Variants in ALKBH8 observed in about 807,000 individuals in gnomAD.
ALKBH8 encodes alkB homolog 8, tRNA methyltransferase.
Under a neutral mutation model 59.8 loss-of-function variants are expected in ALKBH8, and 36 were observed. That is an observed-to-expected ratio of 0.60 (90% CI 0.46 to 0.79). The LOEUF (loss-of-function observed/expected upper bound fraction) is 0.79, where lower values mean the gene tolerates loss of function less well. ALKBH8 is among the 30% of genes least tolerant of loss of function. ALKBH8 has a pLI of 0.00. For missense variants in ALKBH8, 768 were observed against 801.0 expected, an observed-to-expected ratio of 0.96 and a Z score of 0.50; for synonymous variants, 276 against 273.6, an observed-to-expected ratio of 1.01 and a Z score of -0.09.
intron 11 of ALKBH8, among the ~76,000 whole-genome samples, chr11:107,505,882 C>G (rs112335560): frequency 4.3e-4 from 65 of 152,130 alleles, no homozygotes; most frequent in Non-Finnish European, 7.8e-4. Context: ...GCTCAGAGTA[C>G]AGGGAGGTCA....
chr11:107,532,918 ACTAG>A (rs1863657337), intron 7 of ALKBH8, among the ~76,000 whole-genome samples: 1 of 152,152 alleles, frequency 6.6e-6, no homozygotes, highest in African/African-American at 2.4e-5. Flanking sequence ...ATACACAAAA[ACTAG>A]CTATTGTTTT....
chr11:107,541,310 T>C (rs1481945811), intron 7 of ALKBH8, among the ~76,000 whole-genome samples: 1 of 152,172 alleles, frequency 6.6e-6, no homozygotes, highest in Non-Finnish European at 1.5e-5. Flanking sequence ...TCAACTTCAA[T>C]TTAAGACAGA....
intron 8 of ALKBH8, among the ~76,000 whole-genome samples, chr11:107,527,048 A>G (rs1304659162): frequency 3.3e-5 from 5 of 151,972 alleles, no homozygotes; most frequent in Non-Finnish European, 7.4e-5. Flanking sequence ...ACATTTCCTT[A>G]TAAATTTTAG....
chr11:107,505,993 A>C (rs1052359313), intron 11 of ALKBH8, among the ~76,000 whole-genome samples: 1 of 152,240 alleles, frequency 6.6e-6, no homozygotes, highest in African/African-American at 2.4e-5. Flanking sequence ...CCAGTTTCTA[A>C]GCAGCATGTA....
At chr11:107,513,217 G>A (rs761805642) in intron 10 of ALKBH8, among the ~76,000 whole-genome samples, 6 of 151,794 alleles carry the variant, frequency 4.0e-5, no homozygotes, top group Non-Finnish European at 7.4e-5. Context: ...AAAAACAATC[G>A]GTCCCATTAA....
intron 8 of ALKBH8, among the ~76,000 whole-genome samples, chr11:107,528,763 A>T (rs1420886836): frequency 1.3e-5 from 2 of 152,204 alleles, no homozygotes; most frequent in East Asian, 3.8e-4. Flanking sequence ...ACTGCTAAAC[A>T]TCTTTTTCCC....
At chr11:107,541,793 CTCAAATAT>C (rs1864045542) in intron 7 of ALKBH8, among the ~76,000 whole-genome samples, 1 of 152,042 alleles carries the variant, frequency 6.6e-6, no homozygotes, top group African/African-American at 2.4e-5. Flanking sequence ...TCACAGGGAC[CTCAAATAT>C]TCAAATATCA....
chr11:107,525,342 G>C, intron 9 of ALKBH8, 99 bp downstream of exon 9: 3 of 1,106,846 alleles, frequency 2.7e-6, no homozygotes, highest in Non-Finnish European at 3.6e-6. Context: ...TGCCATTAGA[G>C]AGATTCAGAA....
intron 11 of ALKBH8, among the ~76,000 whole-genome samples, chr11:107,507,703 G>A (rs529534618): frequency 1.8e-4 from 28 of 152,210 alleles, no homozygotes; most frequent in East Asian, 1.5e-3. Flanking sequence ...TCAAATAGTC[G>A]AAGCAGTGGT....
At chr11:107,559,418 T>C (rs1181445646) in intron 2 of ALKBH8, among the ~76,000 whole-genome samples, 2 of 152,138 alleles carry the variant, frequency 1.3e-5, no homozygotes, top group African/African-American at 4.8e-5. Context: ...TTGGAAGCCA[T>C]GAAGGACATC....
chr11:107,536,676 T>C (rs1368735527), intron 7 of ALKBH8, among the ~76,000 whole-genome samples: 1 of 152,128 alleles, frequency 6.6e-6, no homozygotes, highest in East Asian at 1.9e-4. Flanking sequence ...AGCAGTGTTA[T>C]AAACTCAGCG....
In ALKBH8 at chr11:107,565,685, G is replaced by A. The variant is rs1865107494; in HGVS notation, c.-91C>T. On this transcript the variant is annotated 5_prime_UTR_variant, in exon 1 of 12. Coordinates refer to ENST00000428149, the MANE Select transcript of ALKBH8 (RefSeq NM_138775.3). ...TCCACTCTAGCACCAGAACACCGCAGCGGATACTTGCACGCCATCTCCCCT... is the reference window on the plus strand; with the variant it reads ...TCCACTCTAGCACCAGAACACCGCAACGGATACTTGCACGCCATCTCCCCT... The A allele has an allele frequency of 6.5e-7, 1 of 1,534,918 alleles. No homozygotes were observed. The highest frequency in any genetic ancestry group is 1.4e-5 in the African/African-American group (1 of 73,026).
intron 11 of ALKBH8, among the ~76,000 whole-genome samples, chr11:107,506,060 A>C (rs1010725803): frequency 6.6e-6 from 1 of 152,230 alleles, no homozygotes; most frequent in African/African-American, 2.4e-5. Flanking sequence ...TTAAAATGCT[A>C]AACAAAAATT....
At chr11:107,560,455 T>C (rs1214493213) in intron 2 of ALKBH8, among the ~76,000 whole-genome samples, 3 of 152,116 alleles carry the variant, frequency 2.0e-5, no homozygotes, top group African/African-American at 4.8e-5. Context: ...ACCTATCTCA[T>C]AAGGACTTCT....
intron 10 of ALKBH8, 147 bp from the exon 11 acceptor site, chr11:107,511,183 A>G (rs1862607896): frequency 1.2e-6 from 1 of 802,810 alleles, no homozygotes; most frequent in Non-Finnish European, 1.9e-6. Context: ...CGGTTCTTAC[A>G]GCCAGTATAA....
chr11:107,520,370 A>AGCT, intron 10 of ALKBH8, among the ~76,000 whole-genome samples: 1 of 152,338 alleles, frequency 6.6e-6, no homozygotes, highest in Middle Eastern at 3.4e-3. Flanking sequence ...CTCTGGAATC[A>AGCT]GCTGCAGATT....
chr11:107,544,815 CCACACACA>C (rs5794557), intron 7 of ALKBH8, among the ~76,000 whole-genome samples: 6,923 of 138,450 alleles, frequency 0.05, 364 homozygotes, highest in African/African-American at 0.13. Flanking sequence ...TAGATACAAA[CCACACACA>C]CACACACACA....
intron 2 of ALKBH8, among the ~76,000 whole-genome samples, chr11:107,559,415 C>A (rs190265724): frequency 1.3e-5 from 2 of 152,146 alleles, no homozygotes; most frequent in Admixed American, 6.5e-5. Flanking sequence ...ACTTTGGAAG[C>A]CATGAAGGAC....
At chr11:107,554,987 C>T (rs1864645269) in intron 3 of ALKBH8, among the ~76,000 whole-genome samples, 1 of 152,190 alleles carries the variant, frequency 6.6e-6, no homozygotes, top group African/African-American at 2.4e-5. Flanking sequence ...TGGCTGGGTG[C>T]GGTGGCTCAC....
Sources: gnomAD v4.1 joint callset for allele counts (sites outside exome capture counted in the v4.1 genomes callset) on GRCh38, gnomAD v4.1.1 for gene constraint, MANE v1.5 for transcripts, NCBI Gene and HGNC (gene_info 2026-07-23, HGNC 2026-07-21) for gene names.